MYO1F: variants seen among roughly 807,000 people sequenced by gnomAD.
MYO1F encodes unconventional myosin-If.
Under a neutral mutation model 146.6 loss-of-function variants are expected in MYO1F, and 60 were observed. That is an observed-to-expected ratio of 0.41 (90% confidence interval 0.33 to 0.51). The LOEUF (loss-of-function observed/expected upper bound fraction) is 0.51, where lower values mean the gene tolerates loss of function less well. Ranked by LOEUF, MYO1F falls within the 20% of genes least tolerant of loss-of-function variation. The pLI is 0.25. For missense variants in MYO1F, 1,274 were observed against 1,534.3 expected (o/e 0.83, Z 2.83); for synonymous variants, 602 against 602.1 (o/e 1.00, Z 0.00).
chr19:8,556,327 G>A (rs1405485568), intron 1 of MYO1F, among the ~76,000 whole-genome samples: 1 of 149,828 alleles, frequency 6.7e-6, no homozygotes, highest in African/African-American at 2.4e-5. Flanking sequence ...ACCGCACCCG[G>A]CCTCTTTTTT....
chr19:8,527,850 C>A (rs1972332238), intron 21 of MYO1F, among the ~76,000 whole-genome samples: 1 of 152,178 alleles, frequency 6.6e-6, no homozygotes, highest in African/African-American at 2.4e-5. Flanking sequence ...TGATCTCAAG[C>A]AAACTGTCCT....
At chr19:8,527,995 G>A (rs749867489) in intron 21 of MYO1F, among the ~76,000 whole-genome samples, 82 of 152,276 alleles carry the variant, frequency 5.4e-4, no homozygotes, top group Middle Eastern at 6.8e-3. Flanking sequence ...AGGCCGAGGC[G>A]GGCAGATCAT....
intron 14 of MYO1F, among the ~76,000 whole-genome samples, chr19:8,543,678 G>GTGGTGGTGGTGGTGGTGGTGC (rs1973091940): frequency 2.1e-5 from 1 of 46,816 alleles, no homozygotes; most frequent in Non-Finnish European, 3.7e-5. Context: ...GGTGGTGCTG[G>GTGGTGGTGGTGGTGGTGGTGC]TGGTGGTGGT....
chr19:8,522,289 T>G, intron 27 of MYO1F, 88 bp downstream of exon 27: 1 of 1,562,644 alleles, frequency 6.4e-7, no homozygotes, highest in Non-Finnish European at 8.7e-7. Context: ...CCCAAAATGC[T>G]GGGATTACAG....
At chr19:8,531,505 T>C (rs926972231) in intron 19 of MYO1F, among the ~76,000 whole-genome samples, 1 of 150,542 alleles carries the variant, frequency 6.6e-6, no homozygotes, top group African/African-American at 2.5e-5. Context: ...TGAGCCACCA[T>C]GCCCAGCTAA....
chr19:8,523,769 C>T (rs536034914), intron 25 of MYO1F, among the ~76,000 whole-genome samples: 1 of 152,242 alleles, frequency 6.6e-6, no homozygotes, highest in East Asian at 1.9e-4. Context: ...ATTCTCCCCT[C>T]TCAGCCTCCT....
chr19:8,524,375 C>G (rs1972179311), intron 25 of MYO1F, among the ~76,000 whole-genome samples: 1 of 146,894 alleles, frequency 6.8e-6, no homozygotes. Context: ...TGAGACCGCA[C>G]CATTGCACCC....
Position 8,536,968 on chromosome 19 carries a change from G to A in MYO1F, c.1780C>T (p.Arg594Ter), listed in dbSNP as rs754747494. 3 of 1,612,982 alleles carry A rather than the reference G, an allele frequency of 1.9e-6. No homozygotes were observed. Among genetic ancestry groups the A allele is most frequent in the East Asian group, 2.2e-5 (1 of 44,850 alleles). Residue 594 changes from arginine to a stop codon, truncating the protein, a stop_gained, in exon 17 of 28, where the codon CGA becomes TGA. Coordinates refer to ENST00000644032, the MANE Select transcript of MYO1F (RefSeq NM_012335.4). LOFTEE classifies it high-confidence loss of function. ...GATCACCTGTTCTCCTCCCAGTCTC[G>A]GGGCCTCTTGGTCTCGTTGGGTTTG... ...CIKPNETKRP[R>*]DWEENRVKHQ...
intron 1 of MYO1F, among the ~76,000 whole-genome samples, chr19:8,561,371 T>A (rs931596536): frequency 2.4e-4 from 7 of 28,586 alleles, no homozygotes; most frequent in African/African-American, 3.7e-4. Flanking sequence ...CCTCCCTCCC[T>A]CCCTCCCTTC....
chr19:8,571,221 T>A (rs1035440034), intron 1 of MYO1F, among the ~76,000 whole-genome samples: 17 of 152,308 alleles, frequency 1.1e-4, no homozygotes, highest in African/African-American at 4.1e-4. Flanking sequence ...CCGTAGCTGC[T>A]TCTGGAGCCA....
rs1049552838 is a variant in MYO1F, at chr19:8,526,941, G to T, written c.2475-6C>A. ...AGAAGTCGTCCTGTCGCGTGCTGGG[G>T]AGGGGCGGGTGAGAGCGTCAGGTGG... is the stretch of plus-strand genomic sequence containing the variant. On this transcript the variant is annotated splice_polypyrimidine_tract_variant and splice_region_variant and intron_variant, in intron 22 of 27. Transcript: ENST00000644032. The T allele has an allele frequency of 6.2e-7, 1 of 1,613,748 alleles. No homozygotes were observed. Among genetic ancestry groups the T allele is most frequent in the Non-Finnish European group, 8.5e-7 (1 of 1,180,006 alleles).
chr19:8,574,351 G>T (rs1555732716), intron 1 of MYO1F, among the ~76,000 whole-genome samples: 1 of 152,136 alleles, frequency 6.6e-6, no homozygotes, highest in Non-Finnish European at 1.5e-5. Flanking sequence ...AGAAATGAAT[G>T]GACATCCCAG....
At chr19:8,545,761 T>TG (rs1287306346) in intron 12 of MYO1F, 25 bp from the exon 13 acceptor site, 1 of 1,578,498 alleles carries the variant, frequency 6.3e-7, no homozygotes, top group Admixed American at 1.7e-5. Context: ...GGGGTGGATG[T>TG]GGGGGCCAGT....
chr19:8,552,392 G>T (rs543337294), intron 6 of MYO1F, among the ~76,000 whole-genome samples: 66 of 152,088 alleles, frequency 4.3e-4, no homozygotes, highest in African/African-American at 1.5e-3. Flanking sequence ...CTGAGTAGCT[G>T]GGACTACAGG....
At chr19:8,522,164 A>G (rs909182111) in intron 27 of MYO1F, among the ~76,000 whole-genome samples, 1 of 151,958 alleles carries the variant, frequency 6.6e-6, no homozygotes, top group Non-Finnish European at 1.5e-5. Flanking sequence ...CTGGGACTAC[A>G]GGCGCCCGCC....
At chr19:8,555,869 C>T (rs974418877) in intron 1 of MYO1F, 73 bp from the exon 2 acceptor site, 117 of 1,460,750 alleles carry the variant, frequency 8.0e-5, no homozygotes, top group Non-Finnish European at 1.0e-4. Flanking sequence ...ACGCTATCAG[C>T]TTCTGGGTTC....
In MYO1F at chr19:8,530,002, G is replaced by T; in HGVS notation, c.2328+194C>A. ...CTGTGCCAGGTGAGGGTATACCTGT[G>T]ATGGAACAGATGGATCTAGGCTGGG... On this transcript the variant is annotated intron_variant, in intron 21 of 27. Coordinates refer to ENST00000644032, the MANE Select transcript of MYO1F (RefSeq NM_012335.4). The surrounding 1 kb of genome is among the most constrained non-coding windows in gnomAD (Gnocchi z 5.8). 1 of 734,632 alleles carries T rather than the reference G, an allele frequency of 1.4e-6. No homozygotes were observed. Among genetic ancestry groups the T allele is most frequent in the Non-Finnish European group, 2.4e-6 (1 of 425,508 alleles). 45.5% of individuals were successfully genotyped at this position (734,632 alleles called of 1,614,324 possible). A position where few individuals can be genotyped will look rare whatever the true frequency, so the allele number is the denominator to read the frequency against.
intron 1 of MYO1F, among the ~76,000 whole-genome samples, chr19:8,574,585 C>T (rs375729268): frequency 0.043 from 3,896 of 90,074 alleles, 62 homozygotes; most frequent in African/African-American, 0.054. Flanking sequence ...CTTTCTCTCT[C>T]TCTCTCTCTC....
intron 1 of MYO1F, among the ~76,000 whole-genome samples, chr19:8,564,642 G>T (rs1002683273): frequency 1.3e-5 from 2 of 151,696 alleles, no homozygotes; most frequent in Admixed American, 6.6e-5. Flanking sequence ...AGACTAAGAG[G>T]GGCCCCAGGG....
Sources: allele counts gnomAD v4.1 joint callset (sites outside exome capture counted in the v4.1 genomes callset), GRCh38; gene constraint gnomAD v4.1.1; non-coding constraint Gnocchi (gnomAD v3.1); transcripts MANE v1.5; gene names NCBI Gene and HGNC (gene_info 2026-07-23, HGNC 2026-07-21).